Variants in ZSCAN4 observed in about 807,000 individuals in gnomAD.
ZSCAN4 encodes the protein zinc finger and SCAN domain containing 4.
In ZSCAN4, 18 loss-of-function variants were observed where a neutral mutation model predicts 18.3. The ratio of observed to expected loss-of-function variants is 0.98; its 90% CI spans 0.68 to 1.46. The LOEUF (loss-of-function observed/expected upper bound fraction) is 1.46. Among genes scored for constraint, ZSCAN4 ranks in the 40% most tolerant of loss-of-function variants. The pLI is 0.00. For synonymous variants in ZSCAN4, 193 were observed against 180.3 expected, an observed-to-expected ratio of 1.07 and a Z score of -0.57; for missense variants, 498 against 511.4, an observed-to-expected ratio of 0.97 and a Z score of 0.25.
chr19:57,659,652 C>T, the ZSCAN4 span, among the ~76,000 whole-genome samples: 1 of 152,176 alleles, frequency 6.6e-6, no homozygotes, highest in Non-Finnish European at 1.5e-5. Flanking sequence ...AATTCATTCA[C>T]TGTCTCTACC....
At chr19:57,673,322 C>T (rs1433404303) in intron 2 of ZSCAN4, among the ~76,000 whole-genome samples, 1 of 151,864 alleles carries the variant, frequency 6.6e-6, no homozygotes, top group East Asian at 1.9e-4. Context: ...TCACCGTGCC[C>T]GGCCACATAT....
chr19:57,655,872 C>A, the ZSCAN4 span, among the ~76,000 whole-genome samples: 7,826 of 152,100 alleles, frequency 0.051, 272 homozygotes, highest in African/African-American at 0.088. Flanking sequence ...CTTTAAAGAG[C>A]CATGTCTTGC....
intron 3 of ZSCAN4, among the ~76,000 whole-genome samples, chr19:57,677,081 T>C (rs1320184971): frequency 6.6e-6 from 1 of 152,182 alleles, no homozygotes; most frequent in African/African-American, 2.4e-5. Flanking sequence ...GAAATTGACA[T>C]TTAAATGAAG....
chr19:57,663,672 A>T, the ZSCAN4 span, among the ~76,000 whole-genome samples: 14 of 146,984 alleles, frequency 9.5e-5, no homozygotes, highest in East Asian at 2.8e-3. Context: ...CCACCACTGT[A>T]CTGCAGCCTG....
the ZSCAN4 span, among the ~76,000 whole-genome samples, chr19:57,654,759 C>G: frequency 6.6e-6 from 1 of 152,162 alleles, no homozygotes; most frequent in African/African-American, 2.4e-5. Context: ...TTCACCATCC[C>G]CTTGGATCCA....
At chr19:57,672,022 C>A (rs1568450547) in intron 2 of ZSCAN4, among the ~76,000 whole-genome samples, 2 of 152,016 alleles carry the variant, frequency 1.3e-5, no homozygotes, top group Admixed American at 1.3e-4. Context: ...ACAAAAATAG[C>A]AATGATATAT....
chr19:57,652,357 A>G, the ZSCAN4 span, among the ~76,000 whole-genome samples: 5 of 152,126 alleles, frequency 3.3e-5, no homozygotes, highest in East Asian at 1.9e-4. Flanking sequence ...GCTTTCTCCA[A>G]TGCAATGGTA....
At chr19:57,667,755 C>A (rs964239584), upstream of ZSCAN4, among the ~76,000 whole-genome samples, 1 of 152,184 alleles carries the variant, frequency 6.6e-6, no homozygotes, top group Non-Finnish European at 1.5e-5. Context: ...CTTTTCCTTA[C>A]AGCTCCTTAC....
At chr19:57,673,478 T>A (rs1055810515) in intron 2 of ZSCAN4, among the ~76,000 whole-genome samples, 2 of 152,028 alleles carry the variant, frequency 1.3e-5, no homozygotes, top group Non-Finnish European at 2.9e-5. Flanking sequence ...AAGAAAATTT[T>A]TAAAAAATTA....
At chr19:57,655,540 C>T in the ZSCAN4 span, among the ~76,000 whole-genome samples, 1 of 152,142 alleles carries the variant, frequency 6.6e-6, no homozygotes, top group South Asian at 2.1e-4. Flanking sequence ...CTGCTGGCCT[C>T]AGAAGCTCAA....
At chr19:57,654,835 A>G in the ZSCAN4 span, among the ~76,000 whole-genome samples, 1 of 152,102 alleles carries the variant, frequency 6.6e-6, no homozygotes, top group East Asian at 1.9e-4. Flanking sequence ...CACAGCTAAC[A>G]TGGACTATAT....
chr19:57,662,479 G>A, the ZSCAN4 span, among the ~76,000 whole-genome samples: 1 of 151,688 alleles, frequency 6.6e-6, no homozygotes, highest in Admixed American at 6.6e-5. Flanking sequence ...CCTTTTTTCA[G>A]TGTTTACATA....
At chr19:57,652,049 G>C in the ZSCAN4 span, among the ~76,000 whole-genome samples, 1 of 152,084 alleles carries the variant, frequency 6.6e-6, no homozygotes, top group Non-Finnish European at 1.5e-5. Flanking sequence ...AAAAGCTTCA[G>C]GGATGCCCCA....
chr19:57,663,558 G>A, the ZSCAN4 span, among the ~76,000 whole-genome samples: 12 of 134,794 alleles, frequency 8.9e-5, no homozygotes, highest in African/African-American at 3.8e-4. Context: ...TTAGCTGGGC[G>A]TGGTATCATG....
At chr19:57,670,435 T>C (rs1251448051) in exon 2 of ZSCAN4, 2 of 152,192 alleles carry the variant, frequency 1.3e-5, no homozygotes, top group Non-Finnish European at 2.9e-5. Context: ...CAATCACGTC[T>C]TTAAATCAAT....
chr19:57,667,128 T>A (rs746090000), upstream of ZSCAN4, among the ~76,000 whole-genome samples: 3 of 152,238 alleles, frequency 2.0e-5, 1 homozygote, highest in Non-Finnish European at 2.9e-5. Flanking sequence ...GTTGTCTTTG[T>A]AATATCCTTA....
chr19:57,653,435 C>G, the ZSCAN4 span, among the ~76,000 whole-genome samples: 1 of 149,806 alleles, frequency 6.7e-6, no homozygotes, highest in Non-Finnish European at 1.5e-5. Context: ...CTTTTTCTTT[C>G]TCGCCTTTCA....
chr19:57,663,878 C>T, the ZSCAN4 span, among the ~76,000 whole-genome samples: 2 of 152,066 alleles, frequency 1.3e-5, no homozygotes, highest in South Asian at 4.2e-4. Flanking sequence ...TGTAATCCCA[C>T]CACTGTGGGA....
chr19:57,671,786 C>T (rs1984030937), intron 2 of ZSCAN4, among the ~76,000 whole-genome samples: 1 of 152,172 alleles, frequency 6.6e-6, no homozygotes, highest in South Asian at 2.1e-4. Context: ...ACCAGGATCA[C>T]CTCTGCCTTA....
Sources: gnomAD v4.1 joint callset for allele counts (sites outside exome capture counted in the v4.1 genomes callset) on GRCh38, gnomAD v4.1.1 for gene constraint, MANE v1.5 for transcripts, NCBI Gene and HGNC (gene_info 2026-07-23, HGNC 2026-07-21) for gene names.